The following NXPH2 variants were observed in gnomAD, a reference collection of about 807,000 sequenced individuals.
NXPH2 encodes the protein neurexophilin 2, also known as neurexophilin-2.
In NXPH2, 5 loss-of-function variants were observed where a neutral mutation model predicts 19.8. That is an observed-to-expected ratio of 0.25 (90% CI 0.13 to 0.53). NXPH2 has a LOEUF of 0.53. Ranked by LOEUF, NXPH2 falls within the 20% of genes least tolerant of loss-of-function variation. The pLI is 0.96. For synonymous variants in NXPH2, 154 were observed against 127.4 expected (o/e 1.21, Z -1.41); for missense variants, 289 against 322.8 (o/e 0.90, Z 0.80).
intron 1 of NXPH2, among the ~76,000 whole-genome samples, chr2:138,709,536 C>T (rs1202996679): frequency 1.3e-5 from 2 of 151,428 alleles, no homozygotes; most frequent in Non-Finnish European, 2.9e-5. Flanking sequence ...CACATAACTA[C>T]CACCTCAAGT....
chr2:138,774,101 G>A (rs1682220853), intron 1 of NXPH2, among the ~76,000 whole-genome samples: 1 of 152,082 alleles, frequency 6.6e-6, no homozygotes, highest in African/African-American at 2.4e-5. Context: ...TAGTTTTCTG[G>A]ATGAAGAACA....
intron 1 of NXPH2, among the ~76,000 whole-genome samples, chr2:138,698,279 T>C (rs966245537): frequency 2.0e-5 from 3 of 152,170 alleles, no homozygotes. Context: ...ATTTCTATAA[T>C]GTTAGGTTAA....
intron 1 of NXPH2, among the ~76,000 whole-genome samples, chr2:138,737,662 C>G (rs1681572126): frequency 6.6e-6 from 1 of 152,156 alleles, no homozygotes; most frequent in Non-Finnish European, 1.5e-5. Flanking sequence ...TCATTCTCTC[C>G]CAAGTCAAGA....
intron 1 of NXPH2, among the ~76,000 whole-genome samples, chr2:138,723,375 T>G (rs1488680748): frequency 2.0e-5 from 3 of 152,216 alleles, no homozygotes; most frequent in Admixed American, 1.3e-4. Flanking sequence ...GCAGAATACT[T>G]GGCATTTGAG....
At position 138,671,362 on chromosome 2, in the gene NXPH2, A is replaced by C. The variant is rs920245770; in HGVS notation, c.355T>G (p.Ser119Ala). Residue 119 changes from serine (S) to alanine (A), a missense_variant, in exon 2 of 2, where the codon TCC (serine) becomes GCC (alanine). By Grantham distance (99) the Ser-to-Ala change is moderately conservative. Transcript: ENST00000272641. ...TTGAGTTTGACAGTTTTAATGTTGG[A>C]ATGAAAGTCACCCCATCCAAACATT... ...KKMFGWGDFH[S>A]NIKTVKLNLL... is the part of the protein sequence containing the mutation. 1.6e-5 allele frequency: 26 copies of C among 1,613,792 alleles called. No homozygotes were observed. Among genetic ancestry groups the C allele is most frequent in the African/African-American group, 2.7e-5 (2 of 74,918 alleles).
intron 1 of NXPH2, among the ~76,000 whole-genome samples, chr2:138,683,107 G>A (rs1288036233): frequency 6.6e-6 from 1 of 152,172 alleles, no homozygotes; most frequent in Non-Finnish European, 1.5e-5. Context: ...TGTGTCCTGA[G>A]TTAAAAATGG....
At chr2:138,771,400 C>T (rs978221806) in intron 1 of NXPH2, among the ~76,000 whole-genome samples, 1 of 151,624 alleles carries the variant, frequency 6.6e-6, no homozygotes. Flanking sequence ...ATTAATAATG[C>T]CCTGAGTATA....
intron 1 of NXPH2, among the ~76,000 whole-genome samples, chr2:138,680,310 G>C (rs1261383138): frequency 6.6e-6 from 1 of 152,352 alleles, no homozygotes; most frequent in South Asian, 2.1e-4. Context: ...GTGAATTAGA[G>C]TGAGGCTTGT....
chr2:138,773,790 T>C (rs994094055), intron 1 of NXPH2, among the ~76,000 whole-genome samples: 4 of 152,172 alleles, frequency 2.6e-5, no homozygotes, highest in Non-Finnish European at 4.4e-5. Flanking sequence ...TCACTTTATG[T>C]GGCAAAAAAG....
rs765017011 is a variant in NXPH2, at chr2:138,669,553, C to G, written c.*1369G>C. ...TTCTTGTTGTTTAGGACTTCTCTTCCTTTAGTCCTCAATTTAATGTTTTAC... is the reference window on the plus strand; with the variant it reads ...TTCTTGTTGTTTAGGACTTCTCTTCGTTTAGTCCTCAATTTAATGTTTTAC... On this transcript the variant is annotated 3_prime_UTR_variant, in exon 2 of 2. Transcript: ENST00000272641. Among the ~76,000 whole-genome samples, 2 of 152,090 alleles carry G rather than the reference C, an allele frequency of 1.3e-5. No homozygotes were observed. Among genetic ancestry groups the G allele is most frequent in the African/African-American group, 2.4e-5 (1 of 41,424 alleles).
chr2:138,689,115 T>C (rs758277545), intron 1 of NXPH2, among the ~76,000 whole-genome samples: 8 of 152,060 alleles, frequency 5.3e-5, no homozygotes, highest in Non-Finnish European at 1.0e-4. Flanking sequence ...TTCCTGGAGG[T>C]TTTATGAATT....
chr2:138,697,498 C>T (rs952626243), intron 1 of NXPH2, among the ~76,000 whole-genome samples: 2 of 151,774 alleles, frequency 1.3e-5, no homozygotes, highest in Non-Finnish European at 2.9e-5. Flanking sequence ...TAAGTAAAGA[C>T]TACTTAATAA....
chr2:138,703,930 C>T (rs961018852), intron 1 of NXPH2, among the ~76,000 whole-genome samples: 12 of 152,182 alleles, frequency 7.9e-5, no homozygotes, highest in Admixed American at 6.5e-4. Flanking sequence ...ACTTAGGCAA[C>T]CTCTGACATT....
chr2:138,683,301 A>G (rs1347135795), intron 1 of NXPH2, among the ~76,000 whole-genome samples: 2 of 152,162 alleles, frequency 1.3e-5, no homozygotes, highest in Non-Finnish European at 2.9e-5. Context: ...GGGAACACAT[A>G]TATACTTCTG....
At chr2:138,746,081 G>A (rs1681729232) in intron 1 of NXPH2, among the ~76,000 whole-genome samples, 1 of 152,334 alleles carries the variant, frequency 6.6e-6, no homozygotes, top group South Asian at 2.1e-4. Flanking sequence ...GTCCTGTATG[G>A]AAGCTGTCTG....
At chr2:138,706,437 G>A (rs369581862) in intron 1 of NXPH2, among the ~76,000 whole-genome samples, 34 of 152,270 alleles carry the variant, frequency 2.2e-4, no homozygotes, top group African/African-American at 5.3e-4. Flanking sequence ...CAAGTATCCC[G>A]AATGCACACA....
chr2:138,725,273 CT>C (rs1339310807), intron 1 of NXPH2, among the ~76,000 whole-genome samples: 1 of 152,156 alleles, frequency 6.6e-6, no homozygotes, highest in Non-Finnish European at 1.5e-5. Context: ...ACTTTTTCAG[CT>C]GATGCTTTAT....
intron 1 of NXPH2, among the ~76,000 whole-genome samples, chr2:138,731,924 A>T (rs1212550405): frequency 3.3e-5 from 5 of 152,158 alleles, no homozygotes; most frequent in Admixed American, 3.3e-4. Context: ...CATTCACAAG[A>T]TATACATTGC....
intron 1 of NXPH2, among the ~76,000 whole-genome samples, chr2:138,737,359 G>A (rs1045346992): frequency 6.6e-6 from 1 of 152,172 alleles, no homozygotes; most frequent in African/African-American, 2.4e-5. Flanking sequence ...AAGAGAGTGA[G>A]AGCCAAGCGA....
Sources: allele counts gnomAD v4.1 joint callset (sites outside exome capture counted in the v4.1 genomes callset), GRCh38; gene constraint gnomAD v4.1.1; transcripts MANE v1.5; gene names NCBI Gene and HGNC (gene_info 2026-07-23, HGNC 2026-07-21).